Variants in DNAAF4 observed in about 807,000 individuals in gnomAD.
DNAAF4 encodes the protein dynein assembly factor 4, axonemal.
A neutral mutation model predicts 51.8 loss-of-function variants in DNAAF4; 43 were observed. The observed-to-expected ratio is 0.83, with a 90% CI of 0.65 to 1.07. The LOEUF (loss-of-function observed/expected upper bound fraction) is 1.07, where lower values mean the gene tolerates loss of function less well. Ranked by LOEUF, DNAAF4 falls within the 50% of genes least tolerant of loss-of-function variation. The pLI, the probability that DNAAF4 is intolerant of heterozygous loss-of-function variation, is 0.00. For missense variants in DNAAF4, 581 were observed against 493.0 expected, an observed-to-expected ratio of 1.18 and a Z score of -1.69; for synonymous variants, 194 against 165.6, an observed-to-expected ratio of 1.17 and a Z score of -1.32.
intron 3 of DNAAF4, among the ~76,000 whole-genome samples, chr15:55,493,131 G>C (rs959625583): frequency 1.3e-5 from 2 of 152,168 alleles, no homozygotes; most frequent in African/African-American, 4.8e-5. Flanking sequence ...TGAGGACACA[G>C]TACGGTGCCA....
chr15:55,481,620 A>G (rs750225127), intron 4 of DNAAF4, among the ~76,000 whole-genome samples: 3 of 152,242 alleles, frequency 2.0e-5, no homozygotes, highest in Middle Eastern at 3.4e-3. Flanking sequence ...GTGGTCCCCA[A>G]TATGTAGGGA....
chr15:55,476,751 AT>A (rs930650928), intron 4 of DNAAF4, among the ~76,000 whole-genome samples: 10 of 151,674 alleles, frequency 6.6e-5, no homozygotes, highest in Non-Finnish European at 1.2e-4. Context: ...AAAATAAGTC[AT>A]TTTTTTTTAC....
intron 4 of DNAAF4, among the ~76,000 whole-genome samples, chr15:55,473,345 ATG>A (rs1189839503): frequency 6.0e-4 from 82 of 137,150 alleles, no homozygotes; most frequent in African/African-American, 2.0e-3. Context: ...GTGTATATAT[ATG>A]TGTGTATATA....
At chr15:55,443,437 C>T (rs2141434365) in intron 6 of DNAAF4, 1 of 594,100 alleles carries the variant, frequency 1.7e-6, no homozygotes, top group Non-Finnish European at 3.0e-6. Flanking sequence ...TTTCTTAATC[C>T]AGTCTATCAT....
chr15:55,503,797 G>A (rs562241236), intron 1 of DNAAF4, among the ~76,000 whole-genome samples: 2 of 152,246 alleles, frequency 1.3e-5, no homozygotes, highest in African/African-American at 4.8e-5. Context: ...AGCTATTTAT[G>A]AGGAACCCAC....
In DNAAF4 at chr15:55,450,197, T is replaced by C. The variant is rs368748093; in HGVS notation, c.783+25A>G. The C allele has an allele frequency of 2.7e-4, 421 of 1,561,536 alleles. 2 individuals are homozygous for C. Among genetic ancestry groups the C allele is most frequent in the Admixed American group, 4.6e-4 (22 of 47,560 alleles). On this transcript the variant is annotated intron_variant, in intron 6 of 9. Coordinates refer to ENST00000321149, the MANE Select transcript of DNAAF4 (RefSeq NM_130810.4). ...AATAAAGTATTTTCATTTGTGGTAATTGTAACTAGAGTAAGTATATATACC... is the reference window on the plus strand; with the variant it reads ...AATAAAGTATTTTCATTTGTGGTAACTGTAACTAGAGTAAGTATATATACC...
At chr15:55,447,286 C>A (rs1240899129) in intron 6 of DNAAF4, among the ~76,000 whole-genome samples, 1 of 151,618 alleles carries the variant, frequency 6.6e-6, no homozygotes, top group African/African-American at 2.4e-5. Flanking sequence ...CTCCTCACAT[C>A]CCAGACTGGG....
chr15:55,434,966 T>A lies in DNAAF4; in HGVS notation c.986A>T (p.Asn329Ile), dbSNP rs1204199203. Residue 329 changes from asparagine to isoleucine, a missense_variant, in exon 8 of 10, where the codon AAC becomes ATC. By Grantham distance (149) the Asn-to-Ile change is moderately radical. Coordinates refer to ENST00000321149, the MANE Select transcript of DNAAF4 (RefSeq NM_130810.4). ...TAGTTTTAGGTGGCAAGCAGCCCGG[T>A]TCAAATACAATAGTGGCATCTTATT... ...LNNKMPLLYLNRAACHLKLKN... is the reference protein window; with the variant it reads ...LNNKMPLLYLIRAACHLKLKN... 1.9e-6 allele frequency: 3 copies of A among 1,613,448 alleles called. No individual in the cohort carries two copies. Among genetic ancestry groups the A allele is most frequent in the Admixed American group, 1.7e-5 (1 of 59,870 alleles).
intron 7 of DNAAF4, among the ~76,000 whole-genome samples, chr15:55,435,395 A>G (rs952820341): frequency 6.6e-6 from 1 of 152,190 alleles, no homozygotes; most frequent in Non-Finnish European, 1.5e-5. Context: ...TCAAAGTTGA[A>G]GAATGAAAAG....
chr15:55,426,386 T>C (rs1270347111), downstream of DNAAF4, among the ~76,000 whole-genome samples: 2 of 152,194 alleles, frequency 1.3e-5, no homozygotes, highest in Middle Eastern at 3.4e-3. Flanking sequence ...TGGAGAAAGG[T>C]TGTTAACATC....
chr15:55,428,929 T>C (rs912544987), downstream of DNAAF4, among the ~76,000 whole-genome samples: 5 of 152,042 alleles, frequency 3.3e-5, no homozygotes, highest in African/African-American at 4.8e-5. Flanking sequence ...ACCTTTAAAC[T>C]AAATTTGTTA....
intron 5 of DNAAF4, among the ~76,000 whole-genome samples, chr15:55,463,449 G>GAGAA (rs1037833848): frequency 6.6e-6 from 1 of 152,074 alleles, no homozygotes; most frequent in Non-Finnish European, 1.5e-5. Flanking sequence ...GATCAGACAA[G>GAGAA]AGAAAGAAAG....
chr15:55,469,140 G>A (rs538027527), intron 4 of DNAAF4, among the ~76,000 whole-genome samples: 3 of 152,062 alleles, frequency 2.0e-5, no homozygotes, highest in South Asian at 2.1e-4. Flanking sequence ...AGACCAGCCT[G>A]GCCAACATGG....
intron 5 of DNAAF4, among the ~76,000 whole-genome samples, chr15:55,452,244 T>C (rs1377297487): frequency 1.9e-5 from 1 of 53,598 alleles, no homozygotes; most frequent in African/African-American, 7.9e-5. Flanking sequence ...CATGTCTCAC[T>C]AAAAAAAAAA....
At chr15:55,428,490 T>TC (rs1566997197), downstream of DNAAF4, among the ~76,000 whole-genome samples, 15 of 89,938 alleles carry the variant, frequency 1.7e-4, no homozygotes, top group Non-Finnish European at 2.5e-4. Context: ...TTTTCTTTTT[T>TC]TTTTTTTTTT....
At position 55,498,346 on chromosome 15, in the gene DNAAF4, G is replaced by A; in HGVS notation, c.-17C>T. Reference sequence around the variant, plus strand: ...AAGAGGCATTCCGGTAGCAACGGGAGCGGATAGCGCGGCTGGTTGCTTCTT... The same window carrying A: ...AAGAGGCATTCCGGTAGCAACGGGAACGGATAGCGCGGCTGGTTGCTTCTT... On this transcript the variant is annotated 5_prime_UTR_variant, in exon 2 of 10. Coordinates refer to ENST00000321149, the MANE Select transcript of DNAAF4 (RefSeq NM_130810.4). The A allele has an allele frequency of 1.3e-6, 2 of 1,594,186 alleles. No homozygotes were observed. Among genetic ancestry groups the A allele is most frequent in the Non-Finnish European group, 1.7e-6 (2 of 1,167,236 alleles).
chr15:55,437,437 G>C (rs199551514), intron 7 of DNAAF4, among the ~76,000 whole-genome samples: 1 of 137,808 alleles, frequency 7.3e-6, no homozygotes, highest in African/African-American at 2.5e-5. Flanking sequence ...TAACAGACAA[G>C]AGAAAAGACC....
intron 3 of DNAAF4, among the ~76,000 whole-genome samples, chr15:55,494,019 G>GAT (rs1372156525): frequency 6.6e-6 from 1 of 150,738 alleles, no homozygotes; most frequent in Non-Finnish European, 1.5e-5. Context: ...AACTGAGTTT[G>GAT]ATTTCTTTCT....
chr15:55,445,248 C>A (rs550798103), intron 6 of DNAAF4, among the ~76,000 whole-genome samples: 1 of 151,946 alleles, frequency 6.6e-6, no homozygotes, highest in South Asian at 2.1e-4. Context: ...TGACTCTTAA[C>A]GAGCATGCTG....
Sources: gnomAD v4.1 joint callset for allele counts (sites outside exome capture counted in the v4.1 genomes callset) on GRCh38, gnomAD v4.1.1 for gene constraint, MANE v1.5 for transcripts, NCBI Gene and HGNC (gene_info 2026-07-23, HGNC 2026-07-21) for gene names.